RGS20: variants seen among roughly 807,000 people sequenced by gnomAD.
RGS20 encodes the protein regulator of G protein signaling 20.
RGS20 carries 30 observed loss-of-function variants against 33.6 expected under a neutral mutation model. The observed-to-expected ratio is 0.89, with a 90% CI of 0.67 to 1.21. The LOEUF is 1.21. Ranked by LOEUF, RGS20 falls within the 50% of genes most tolerant of loss-of-function variation. The pLI is 0.00. For synonymous variants in RGS20, 208 were observed against 197.9 expected, an observed-to-expected ratio of 1.05 and a Z score of -0.43; for missense variants, 472 against 502.4, an observed-to-expected ratio of 0.94 and a Z score of 0.58.
At chr8:53,915,895 ACATATTTTAC>A (rs1309958704) in intron 2 of RGS20, among the ~76,000 whole-genome samples, 1 of 152,034 alleles carries the variant, frequency 6.6e-6, no homozygotes, top group Non-Finnish European at 1.5e-5. Flanking sequence ...ATATTTACTG[ACATATTTTAC>A]CATATTTTAT....
At chr8:53,856,732 G>C (rs1346044130) in intron 1 of RGS20, among the ~76,000 whole-genome samples, 1 of 152,168 alleles carries the variant, frequency 6.6e-6, no homozygotes, top group Non-Finnish European at 1.5e-5. Context: ...AACATGGTCA[G>C]AGCTTAGACA....
intron 2 of RGS20, among the ~76,000 whole-genome samples, chr8:53,912,373 A>G (rs572608643): frequency 6.8e-5 from 10 of 147,152 alleles, no homozygotes; most frequent in Admixed American, 4.0e-4. Context: ...TTTTTTTGCC[A>G]ATTTTGTAGG....
At chr8:53,856,197 ATTAT>A (rs1355834377) in intron 1 of RGS20, among the ~76,000 whole-genome samples, 3 of 150,904 alleles carry the variant, frequency 2.0e-5, no homozygotes, top group East Asian at 1.9e-4. Flanking sequence ...TCTTCATCAG[ATTAT>A]TTATTTATTT....
chr8:53,878,028 G>A (rs1330280320), intron 1 of RGS20, among the ~76,000 whole-genome samples: 1 of 152,214 alleles, frequency 6.6e-6, no homozygotes, highest in East Asian at 1.9e-4. Flanking sequence ...CCGCGCCCCT[G>A]GGACCCACGC....
intron 1 of RGS20, among the ~76,000 whole-genome samples, chr8:53,864,312 T>C (rs1407927144): frequency 6.6e-6 from 1 of 151,394 alleles, no homozygotes; most frequent in Non-Finnish European, 1.5e-5. Flanking sequence ...CGGGTGCCTG[T>C]AATCCCAGCT....
At chr8:53,923,694 G>A (rs1021461581) in intron 2 of RGS20, among the ~76,000 whole-genome samples, 11 of 152,034 alleles carry the variant, frequency 7.2e-5, no homozygotes, top group Non-Finnish European at 1.0e-4. Context: ...CGTCCCTCAC[G>A]TAGCCATTCG....
chr8:53,879,526 G>C lies in RGS20; in HGVS notation c.434G>C (p.Arg145Pro), dbSNP rs1276996752. 6.5e-7 allele frequency: 1 copy of C among 1,541,340 alleles called. No homozygotes were observed. Among genetic ancestry groups the C allele is most frequent in the Non-Finnish European group, 8.7e-7 (1 of 1,144,798 alleles). The change falls in exon 2 of 6, where the codon CGT (arginine) becomes CCT (proline). Residue 145 changes from arginine (R) to proline (P), a missense_variant. Physicochemically the swap from Arg to Pro is moderately radical, Grantham distance 103. Transcript: ENST00000297313. ...CTGCCCGGCCGACCCTCGGGGGGTC[G>C]TCCGCTGAGGCCCCCCCATCCGGTA...
At chr8:53,909,643 T>G (rs973331551) in intron 2 of RGS20, among the ~76,000 whole-genome samples, 8 of 152,186 alleles carry the variant, frequency 5.3e-5, no homozygotes, top group African/African-American at 1.9e-4. Context: ...TGGAGATATA[T>G]TAATGTTCCT....
intron 2 of RGS20, among the ~76,000 whole-genome samples, chr8:53,923,471 A>T (rs1416920742): frequency 6.6e-6 from 1 of 151,980 alleles, no homozygotes. Context: ...GGTGTGTGCC[A>T]GTAGTCCCAG....
intron 2 of RGS20, among the ~76,000 whole-genome samples, chr8:53,903,662 C>A: frequency 6.6e-6 from 1 of 152,178 alleles, no homozygotes; most frequent in East Asian, 1.9e-4. Flanking sequence ...TGTCCCTTGG[C>A]CTTGCCTACC....
At chr8:53,928,284 G>A (rs1240976207) in intron 2 of RGS20, among the ~76,000 whole-genome samples, 1 of 151,952 alleles carries the variant, frequency 6.6e-6, no homozygotes, top group African/African-American at 2.4e-5. Context: ...GACATTTATG[G>A]TATAAATGAT....
At chr8:53,874,963 A>G (rs1194971724) in intron 1 of RGS20, among the ~76,000 whole-genome samples, 1 of 152,198 alleles carries the variant, frequency 6.6e-6, no homozygotes, top group Non-Finnish European at 1.5e-5. Flanking sequence ...GTGAATATGA[A>G]GTAGTTGGAT....
intron 2 of RGS20, among the ~76,000 whole-genome samples, chr8:53,884,380 G>A (rs1323390828): frequency 6.6e-6 from 1 of 151,948 alleles, no homozygotes; most frequent in Admixed American, 6.6e-5. Flanking sequence ...ATTTTTTATA[G>A]AGACAGGATC....
chr8:53,878,672 C>T (rs185319704), intron 1 of RGS20, among the ~76,000 whole-genome samples: 2 of 152,164 alleles, frequency 1.3e-5, no homozygotes, highest in Admixed American at 1.3e-4. Flanking sequence ...GGGTCTGAGG[C>T]CCTTCAGCCA....
intron 2 of RGS20, among the ~76,000 whole-genome samples, chr8:53,933,032 A>G (rs1161363159): frequency 6.6e-6 from 1 of 152,212 alleles, no homozygotes; most frequent in African/African-American, 2.4e-5. Context: ...GCCTGTTAGA[A>G]GGAAAGCTAA....
intron 2 of RGS20, among the ~76,000 whole-genome samples, chr8:53,925,570 G>C (rs771355997): frequency 6.6e-6 from 1 of 151,962 alleles, no homozygotes; most frequent in Non-Finnish European, 1.5e-5. Context: ...CTCAGGTCAG[G>C]AGTAAAAATA....
intron 2 of RGS20, among the ~76,000 whole-genome samples, chr8:53,904,333 T>C (rs1275685808): frequency 6.6e-6 from 1 of 152,200 alleles, no homozygotes; most frequent in Non-Finnish European, 1.5e-5. Context: ...GATTTCGCCA[T>C]GTTGGCCAGG....
At chr8:53,941,344 T>C (rs1014594955) in intron 3 of RGS20, among the ~76,000 whole-genome samples, 4 of 152,028 alleles carry the variant, frequency 2.6e-5, no homozygotes, top group African/African-American at 9.7e-5. Flanking sequence ...TTCAAGAGTG[T>C]GGGTAAAATA....
chr8:53,891,829 G>A (rs1812717591), intron 2 of RGS20, among the ~76,000 whole-genome samples: 1 of 149,166 alleles, frequency 6.7e-6, no homozygotes, highest in South Asian at 2.1e-4. Flanking sequence ...TATAATTTTT[G>A]CAACTTTTTT....
Sources: allele counts gnomAD v4.1 joint callset (sites outside exome capture counted in the v4.1 genomes callset), GRCh38; gene constraint gnomAD v4.1.1; transcripts MANE v1.5; gene names NCBI Gene and HGNC (gene_info 2026-07-23, HGNC 2026-07-21).